REDIC1: variants seen among roughly 807,000 people sequenced by gnomAD.
REDIC1 encodes the protein regulator of DNA class I crossover intermediates 1.
At chr12:39,653,826 A>G in the REDIC1 span, among the ~76,000 whole-genome samples, 2 of 152,196 alleles carry the variant, frequency 1.3e-5, no homozygotes, top group East Asian at 3.9e-4. Flanking sequence ...GTCCTTTAAC[A>G]GGTTGTGAAA....
At chr12:39,861,906 C>T in the REDIC1 span, among the ~76,000 whole-genome samples, 1 of 152,066 alleles carries the variant, frequency 6.6e-6, no homozygotes, top group African/African-American at 2.4e-5. Context: ...GATACATGTG[C>T]AGGACGTGCA....
At chr12:39,804,998 A>C in the REDIC1 span, among the ~76,000 whole-genome samples, 2 of 18,874 alleles carry the variant, frequency 1.1e-4, no homozygotes, top group African/African-American at 4.4e-4. Flanking sequence ...GAGGGAGAAG[A>C]CTGCTGGGGA....
the REDIC1 span, among the ~76,000 whole-genome samples, chr12:39,703,258 A>G: frequency 2.3e-4 from 35 of 150,822 alleles, no homozygotes; most frequent in South Asian, 4.8e-3. Flanking sequence ...AAATCAATGT[A>G]CAAAAATCAC....
chr12:39,704,852 C>A, the REDIC1 span, among the ~76,000 whole-genome samples: 1 of 151,670 alleles, frequency 6.6e-6, no homozygotes, highest in East Asian at 1.9e-4. Flanking sequence ...TATTCTCACT[C>A]ATAGGTGGGA....
chr12:39,803,311 C>CA, the REDIC1 span, among the ~76,000 whole-genome samples: 7 of 150,756 alleles, frequency 4.6e-5, no homozygotes, highest in East Asian at 1.2e-3. Context: ...GACAATTATA[C>CA]AAAATGCATG....
At chr12:39,646,778 A>C in the REDIC1 span, 1 of 1,119,604 alleles carries the variant, frequency 8.9e-7, no homozygotes, top group South Asian at 1.5e-5. Flanking sequence ...TTTTAAATAT[A>C]GGAAAGGACA....
chr12:39,640,024 G>T, the REDIC1 span, among the ~76,000 whole-genome samples: 1 of 150,854 alleles, frequency 6.6e-6, no homozygotes, highest in Non-Finnish European at 1.5e-5. Context: ...TTGGCTCAAG[G>T]ATTATAGATA....
the REDIC1 span, among the ~76,000 whole-genome samples, chr12:39,785,737 C>T: frequency 1.3e-5 from 2 of 152,052 alleles, no homozygotes; most frequent in African/African-American, 2.4e-5. Flanking sequence ...GCGGAGCTGC[C>T]CAAGACCATG....
chr12:39,802,645 A>G, the REDIC1 span, among the ~76,000 whole-genome samples: 1 of 152,232 alleles, frequency 6.6e-6, no homozygotes, highest in Non-Finnish European at 1.5e-5. Flanking sequence ...GTCTAGAACT[A>G]TATGTATATA....
the REDIC1 span, among the ~76,000 whole-genome samples, chr12:39,870,108 G>A: frequency 6.6e-6 from 1 of 152,154 alleles, no homozygotes. Context: ...ATGAAGGAAC[G>A]AACACAGGTT....
the REDIC1 span, chr12:39,721,398 A>G: frequency 1.6e-6 from 1 of 644,560 alleles, no homozygotes; most frequent in East Asian, 2.8e-5. Flanking sequence ...TTCACGGTTC[A>G]TGTTAAAACA....
At chr12:39,771,828 C>T in the REDIC1 span, among the ~76,000 whole-genome samples, 1 of 152,234 alleles carries the variant, frequency 6.6e-6, no homozygotes, top group South Asian at 2.1e-4. Flanking sequence ...TGGCTGCAGC[C>T]TACCTTATCT....
At chr12:39,882,932 T>C in the REDIC1 span, among the ~76,000 whole-genome samples, 3 of 152,206 alleles carry the variant, frequency 2.0e-5, no homozygotes, top group East Asian at 1.9e-4. Context: ...CCCAAAAGAA[T>C]AGTCTATGTG....
chr12:39,790,240 T>G, the REDIC1 span, among the ~76,000 whole-genome samples: 39 of 151,890 alleles, frequency 2.6e-4, no homozygotes, highest in African/African-American at 9.2e-4. Context: ...TTTATTATAC[T>G]TTAAGTTTTA....
the REDIC1 span, among the ~76,000 whole-genome samples, chr12:39,713,236 A>G: frequency 1.7e-5 from 2 of 116,438 alleles, no homozygotes; most frequent in African/African-American, 3.6e-5. Flanking sequence ...ATATACGTGT[A>G]TATATGTGTA....
chr12:39,820,737 A>AG, the REDIC1 span, among the ~76,000 whole-genome samples: 1 of 5,468 alleles, frequency 1.8e-4, no homozygotes, highest in Non-Finnish European at 3.0e-4. Flanking sequence ...ATATATATAT[A>AG]TATATATATA....
At chr12:39,881,895 C>T in the REDIC1 span, among the ~76,000 whole-genome samples, 1 of 152,076 alleles carries the variant, frequency 6.6e-6, no homozygotes, top group Non-Finnish European at 1.5e-5. Flanking sequence ...CTTCTCCATT[C>T]TTACCCCTGT....
At chr12:39,848,633 A>C in the REDIC1 span, among the ~76,000 whole-genome samples, 1 of 152,164 alleles carries the variant, frequency 6.6e-6, no homozygotes, top group South Asian at 2.1e-4. Flanking sequence ...CAAAGAGCTA[A>C]AAGCAGAACT....
At chr12:39,747,274 C>T in the REDIC1 span, among the ~76,000 whole-genome samples, 9 of 152,062 alleles carry the variant, frequency 5.9e-5, no homozygotes, top group Admixed American at 2.6e-4. Context: ...AACTACATGA[C>T]GAATGCACAA....
Sources: allele counts gnomAD v4.1 joint callset (sites outside exome capture counted in the v4.1 genomes callset), GRCh38; gene constraint gnomAD v4.1.1; transcripts MANE v1.5; gene names NCBI Gene and HGNC (gene_info 2026-07-23, HGNC 2026-07-21).